Variants in NAV3 observed in about 807,000 individuals in gnomAD.
The protein encoded by NAV3 is neuron navigator 3, also known as pore membrane and/or filament interacting like protein 1.
A neutral mutation model predicts 244.7 loss-of-function variants in NAV3; 87 were observed. That is an observed-to-expected ratio of 0.36 (90% CI 0.30 to 0.42). NAV3 has a LOEUF of 0.42. Ranked by LOEUF, NAV3 falls within the 20% of genes least tolerant of loss-of-function variation. NAV3 has a pLI of 1.00. For missense variants in NAV3, 2,663 were observed against 2,893.3 expected (o/e 0.92, Z 1.83); for synonymous variants, 1,126 against 1,042.2 (o/e 1.08, Z -1.55).
chr12:77,887,730 A>G (rs1246872056), intron 1 of NAV3, among the ~76,000 whole-genome samples: 1 of 152,134 alleles, frequency 6.6e-6, no homozygotes, highest in Non-Finnish European at 1.5e-5. Flanking sequence ...GTTTTAAACT[A>G]ATTCAATATA....
chr12:77,755,753 C>T (rs989817812), intron 2 of NAV3, among the ~76,000 whole-genome samples: 3 of 145,364 alleles, frequency 2.1e-5, no homozygotes, highest in Admixed American at 7.0e-5. Flanking sequence ...TTCTTTTCTT[C>T]GTCAGGGTCT....
chr12:77,835,594 C>T (rs35900501), intron 1 of NAV3, among the ~76,000 whole-genome samples: 2 of 152,006 alleles, frequency 1.3e-5, no homozygotes, highest in African/African-American at 4.8e-5. Context: ...CCATAACTTG[C>T]CAGAAGTTGA....
intron 18 of NAV3, among the ~76,000 whole-genome samples, chr12:78,135,679 A>G (rs760537096): frequency 3.9e-5 from 6 of 152,186 alleles, no homozygotes; most frequent in Non-Finnish European, 7.4e-5. Flanking sequence ...CACCTTAAAC[A>G]TAAACATTTT....
chr12:78,020,081 G>T (rs1876895937), intron 8 of NAV3, among the ~76,000 whole-genome samples: 1 of 152,114 alleles, frequency 6.6e-6, no homozygotes, highest in Admixed American at 6.6e-5. Context: ...ACTGGAAGAA[G>T]AATAGAATAT....
chr12:78,175,378 T>C lies in NAV3; in HGVS notation c.5054T>C (p.Ile1685Thr), dbSNP rs932100888. The change falls in exon 25 of 40, where the codon ATT (isoleucine) becomes ACT (threonine). Residue 1685 changes from isoleucine (I) to threonine (T), a missense_variant. Coordinates refer to ENST00000397909, the MANE Select transcript of NAV3 (RefSeq NM_001024383.2). Reference protein sequence around the residue: ...SINSATSHSSIGSGNDADSKK... With the variant: ...SINSATSHSSTGSGNDADSKK... ...AACAGTGCCACAAGCCATTCCAGTA[T>C]TGGCAGTGGTAATGATGCCGACTCC... is the stretch of plus-strand genomic sequence containing the variant. 1.9e-6 allele frequency: 3 copies of C among 1,611,540 alleles called. No homozygotes were observed. The highest frequency in any genetic ancestry group is 8.5e-7 in the Non-Finnish European group (1 of 1,178,424).
chr12:78,168,942 A>G, intron 24 of NAV3, 76 bp downstream of exon 24: 1 of 946,702 alleles, frequency 1.1e-6, no homozygotes, highest in South Asian at 1.6e-5. Flanking sequence ...GTAGAACTGC[A>G]TTTACTCAGT....
intron 1 of NAV3, among the ~76,000 whole-genome samples, chr12:77,905,898 T>C (rs1885915426): frequency 6.6e-6 from 1 of 152,176 alleles, no homozygotes; most frequent in South Asian, 2.1e-4. Context: ...GGACATGACA[T>C]GATGGCCTGC....
intron 2 of NAV3, among the ~76,000 whole-genome samples, chr12:77,633,828 T>G (rs1012636940): frequency 6.6e-6 from 1 of 152,286 alleles, no homozygotes; most frequent in Non-Finnish European, 1.5e-5. Flanking sequence ...GAAAACGTAT[T>G]ATTAGAATGC....
In NAV3 at chr12:77,701,233, C is replaced by T. The variant is rs561190444; in HGVS notation, c.72+128967C>T. ...TACAAATTTATTTTCTTTAATGATA[C>T]AAAGCTATTTAGTTTTTATCTTTGT... On this transcript the variant is annotated intron_variant, in intron 2 of 8. Transcript: ENST00000550042. Among the ~76,000 whole-genome samples, 8 of 151,948 alleles carry T rather than the reference C, an allele frequency of 5.3e-5. No individual in the cohort carries two copies. In the South Asian group the frequency reaches 1.7e-3, roughly 32 times the overall value.
At chr12:77,775,779 A>T (rs979597972) in intron 2 of NAV3, 1 of 152,198 alleles carries the variant, frequency 6.6e-6, no homozygotes, top group Non-Finnish European at 1.5e-5. Context: ...ACTAAATATA[A>T]TAAAGCACGA....
intron 2 of NAV3, among the ~76,000 whole-genome samples, chr12:77,636,823 A>G (rs1389168483): frequency 6.6e-6 from 1 of 152,212 alleles, no homozygotes; most frequent in African/African-American, 2.4e-5. Flanking sequence ...AAAAAGAATG[A>G]GTTGCTGTCC....
intron 2 of NAV3, among the ~76,000 whole-genome samples, chr12:77,788,404 G>T (rs1871007561): frequency 6.6e-6 from 1 of 152,082 alleles, no homozygotes; most frequent in African/African-American, 2.4e-5. Flanking sequence ...AAGCCCGCTG[G>T]GACAACAATC....
intron 2 of NAV3, among the ~76,000 whole-genome samples, chr12:77,780,840 A>G (rs1870628532): frequency 6.6e-6 from 1 of 152,116 alleles, no homozygotes; most frequent in Non-Finnish European, 1.5e-5. Flanking sequence ...TAGGGGAAGA[A>G]ACCTGTGTAA....
chr12:77,949,109 G>T (rs1020034397), intron 3 of NAV3, among the ~76,000 whole-genome samples: 1 of 151,840 alleles, frequency 6.6e-6, no homozygotes, highest in Non-Finnish European at 1.5e-5. Flanking sequence ...CTGAAAAATC[G>T]TATTTCACAC....
chr12:77,583,508 A>G (rs1352056711), intron 2 of NAV3, among the ~76,000 whole-genome samples: 2 of 152,196 alleles, frequency 1.3e-5, no homozygotes, highest in Non-Finnish European at 2.9e-5. Flanking sequence ...GCTCTGTAAA[A>G]TATTTTTAGG....
chr12:77,701,923 G>A (rs532112744), intron 2 of NAV3, among the ~76,000 whole-genome samples: 2 of 152,002 alleles, frequency 1.3e-5, no homozygotes, highest in South Asian at 4.1e-4. Flanking sequence ...TGCACCATGT[G>A]TACCAGGAGC....
In NAV3 at chr12:78,212,843, C is replaced by T. The variant is rs535339784; in HGVS notation, c.*2326C>T. On this transcript the variant is annotated 3_prime_UTR_variant, in exon 40 of 40. Coordinates refer to ENST00000397909, the MANE Select transcript of NAV3 (RefSeq NM_001024383.2). The stretch of plus-strand genomic sequence containing the variant: ...AAAGTTTTGTAGTCTTTGTAAAGCC[C>T]CAACAATAAGTACTTGGTGTCAATG... 3 of 152,630 alleles carry T rather than the reference C, an allele frequency of 2.0e-5. No homozygotes were observed. The highest frequency in any genetic ancestry group is 3.9e-4 in the East Asian group (2 of 5,182). 9.5% of individuals were successfully genotyped at this position (152,630 alleles called of 1,614,324 possible).
rs543545176 is a variant in NAV3, at chr12:77,602,649, G to C, written c.72+30383G>C. Among the ~76,000 whole-genome samples, 62 of 151,808 alleles carry C rather than the reference G, an allele frequency of 4.1e-4. 1 individual carries two copies. Among genetic ancestry groups the C allele is most frequent in the South Asian group, 2.3e-3 (11 of 4,798 alleles). On this transcript the variant is annotated intron_variant, in intron 2 of 8. Coordinates refer to the NAV3 transcript ENST00000550042. ...GAGGGGGAGATGGGCAGACAGATAG[G>C]GGGGAATGTGTTAGGATTCTCCTTC... is the stretch of plus-strand genomic sequence containing the variant.
At chr12:77,965,554 G>A (rs1423909276) in intron 3 of NAV3, among the ~76,000 whole-genome samples, 8 of 152,270 alleles carry the variant, frequency 5.3e-5, no homozygotes, top group Non-Finnish European at 1.0e-4. Context: ...GAGAGAGGGA[G>A]GTTGCAGTGA....
Sources: gnomAD v4.1 joint callset for allele counts (sites outside exome capture counted in the v4.1 genomes callset) on GRCh38, gnomAD v4.1.1 for gene constraint, MANE v1.5 for transcripts, NCBI Gene and HGNC (gene_info 2026-07-23, HGNC 2026-07-21) for gene names.